The following DLG2 variants were observed in gnomAD, a reference collection of about 807,000 sequenced individuals.
The protein encoded by DLG2 is discs large MAGUK scaffold protein 2.
A neutral mutation model predicts 132.5 loss-of-function variants in DLG2; 45 were observed. The observed-to-expected ratio is 0.34, with a 90% CI of 0.27 to 0.44. DLG2 has a LOEUF of 0.44. DLG2 is among the 20% of genes least tolerant of loss of function. DLG2 has a pLI of 1.00. For synonymous variants in DLG2, 424 were observed against 419.6 expected, an observed-to-expected ratio of 1.01 and a Z score of -0.13; for missense variants, 1,045 against 1,196.9, an observed-to-expected ratio of 0.87 and a Z score of 1.87.
intron 17 of DLG2, among the ~76,000 whole-genome samples, chr11:83,787,309 C>CTTTTT (rs2040210874): frequency 1.9e-5 from 2 of 105,118 alleles, no homozygotes; most frequent in South Asian, 3.4e-4. Flanking sequence ...AGCCTTAAGC[C>CTTTTT]TTGTTTTTTT....
At chr11:84,804,711 A>G (rs1296320627) in intron 6 of DLG2, among the ~76,000 whole-genome samples, 1 of 152,190 alleles carries the variant, frequency 6.6e-6, no homozygotes, top group Non-Finnish European at 1.5e-5. Flanking sequence ...GAACATTTTT[A>G]CATTATAACT....
chr11:84,713,348 ATC>A (rs1490911949), intron 6 of DLG2, among the ~76,000 whole-genome samples: 1 of 152,104 alleles, frequency 6.6e-6, no homozygotes, highest in Non-Finnish European at 1.5e-5. Flanking sequence ...TACTATACCC[ATC>A]TCAAAGGGGC....
chr11:84,147,133 G>C (rs1566701166), intron 9 of DLG2, among the ~76,000 whole-genome samples: 1 of 152,218 alleles, frequency 6.6e-6, no homozygotes, highest in East Asian at 1.9e-4. Context: ...TGACCACCAA[G>C]ATAGTTCTAA....
At chr11:84,145,451 T>C (rs1213508500) in intron 9 of DLG2, among the ~76,000 whole-genome samples, 1 of 152,170 alleles carries the variant, frequency 6.6e-6, no homozygotes, top group Admixed American at 6.5e-5. Flanking sequence ...TATTTGTGTA[T>C]CCAAACATAG....
At chr11:85,510,927 G>A (rs1309771701) in intron 3 of DLG2, among the ~76,000 whole-genome samples, 5 of 152,164 alleles carry the variant, frequency 3.3e-5, no homozygotes, top group Non-Finnish European at 7.3e-5. Flanking sequence ...GCACACGTAT[G>A]TTTATTGTGG....
intron 19 of DLG2, among the ~76,000 whole-genome samples, chr11:83,601,414 G>A (rs961233021): frequency 2.0e-5 from 3 of 151,232 alleles, no homozygotes; most frequent in African/African-American, 4.9e-5. Context: ...TGGAGCCAAC[G>A]ATTCTCTTTT....
chr11:85,021,466 G>A (rs2060057886), intron 6 of DLG2: 4 of 1,424,822 alleles, frequency 2.8e-6, no homozygotes, highest in South Asian at 1.1e-5. Context: ...AGCAGCCCGG[G>A]CATTTCTCTC....
chr11:83,928,867 T>G (rs1191820522), intron 15 of DLG2, among the ~76,000 whole-genome samples: 1 of 152,222 alleles, frequency 6.6e-6, no homozygotes, highest in East Asian at 1.9e-4. Context: ...CTTATGTAGC[T>G]GACTATAGGT....
rs555113379 is a variant in DLG2 at position 83,883,887 on chromosome 11, T to C, written c.1497-9399A>G. Among the ~76,000 whole-genome samples, 158 of 152,208 alleles carry C rather than the reference T, an allele frequency of 1.0e-3. 2 individuals carry two copies. Among genetic ancestry groups the C allele is most frequent in the African/African-American group, 3.7e-3 (153 of 41,540 alleles). On this transcript the variant is annotated intron_variant, in intron 15 of 27. Transcript: ENST00000376104. ...AATTTATTATAGCTTAAATCAGGTA[T>C]TAGATAGTTCCATAAATGTAGCTAC...
intron 4 of DLG2, among the ~76,000 whole-genome samples, chr11:85,168,061 G>T (rs2078588084): frequency 6.6e-6 from 1 of 152,140 alleles, no homozygotes; most frequent in African/African-American, 2.4e-5. Context: ...TTCAAGAGAA[G>T]AGAGTATCAG....
rs529341830 is a variant in DLG2 at position 84,932,260 on chromosome 11, T to C, written c.357+179401A>G. Among the ~76,000 whole-genome samples the C allele has an allele frequency of 1.2e-4, 19 of 152,318 alleles. No homozygotes were observed. In the South Asian group the frequency reaches 2.3e-3, roughly 18 times the overall value. On this transcript the variant is annotated intron_variant, in intron 6 of 27. Coordinates refer to ENST00000376104, the MANE Select transcript of DLG2 (RefSeq NM_001142699.3). The stretch of plus-strand genomic sequence containing the variant: ...GGTTTTTATAATTTTAGGTTTTACA[T>C]TGAAGTATTTAATCCATCTTGAGTT...
At position 85,247,071 on chromosome 11, in the gene DLG2, C is replaced by T. The variant is rs1166493466; in HGVS notation, c.186+38149G>A. ...GTTGATAAAATTTAATGTTCAAATC[C>T]TCTGTTTTCTTCTATCTCCATTTAT... On this transcript the variant is annotated intron_variant, in intron 4 of 27. Transcript: ENST00000376104. Among the ~76,000 whole-genome samples the T allele has an allele frequency of 2.4e-5, 3 of 122,892 alleles. No homozygotes were observed. The East Asian group carries it at 7.1e-4, about 29-fold the overall frequency. The allele number at this position is 122,892 out of a possible 152,430, so 80.6% of individuals were successfully genotyped here.
intron 6 of DLG2, among the ~76,000 whole-genome samples, chr11:84,721,765 G>C (rs889316446): frequency 6.6e-6 from 1 of 152,170 alleles, no homozygotes; most frequent in Non-Finnish European, 1.5e-5. Context: ...TCTGGTGCTA[G>C]ATGTGGCTTT....
chr11:84,098,034 C>CCTT (rs1322828887), intron 10 of DLG2, among the ~76,000 whole-genome samples: 1 of 50,984 alleles, frequency 2.0e-5, no homozygotes, highest in African/African-American at 7.3e-5. Context: ...TCACCATGTG[C>CCTT]CTTTTTTTTT....
intron 18 of DLG2, among the ~76,000 whole-genome samples, chr11:83,675,016 T>C (rs549123141): frequency 1.6e-4 from 25 of 152,370 alleles, no homozygotes; most frequent in African/African-American, 5.3e-4. Context: ...ACGCTTGTGA[T>C]AGAAAGTAAA....
intron 3 of DLG2, among the ~76,000 whole-genome samples, chr11:85,429,426 T>C (rs969955631): frequency 6.6e-6 from 1 of 152,108 alleles, no homozygotes; most frequent in Non-Finnish European, 1.5e-5. Context: ...AACAGGAACC[T>C]ACAGAATGGG....
intron 7 of DLG2, among the ~76,000 whole-genome samples, chr11:84,391,989 C>T (rs2098794138): frequency 6.6e-6 from 1 of 152,178 alleles, no homozygotes; most frequent in African/African-American, 2.4e-5. Context: ...CAGTCATCCT[C>T]TCTGAATCTC....
chr11:83,545,105 T>C (rs2096203395), intron 19 of DLG2, among the ~76,000 whole-genome samples: 2 of 152,062 alleles, frequency 1.3e-5, no homozygotes, highest in African/African-American at 4.8e-5. Context: ...AGAGAAACCA[T>C]CAGAAAGGCT....
intron 6 of DLG2, among the ~76,000 whole-genome samples, chr11:85,092,044 G>T (rs1309523833): frequency 6.6e-6 from 1 of 152,134 alleles, no homozygotes; most frequent in Non-Finnish European, 1.5e-5. Flanking sequence ...TAGGCTTATG[G>T]AATGCATTTT....
Sources: gnomAD v4.1 joint callset for allele counts (sites outside exome capture counted in the v4.1 genomes callset) on GRCh38, gnomAD v4.1.1 for gene constraint, MANE v1.5 for transcripts, NCBI Gene and HGNC (gene_info 2026-07-23, HGNC 2026-07-21) for gene names.